WWTR1: variants seen among roughly 807,000 people sequenced by gnomAD.
The protein encoded by WWTR1 is WW domain-containing transcription regulator protein 1.
WWTR1 carries 13 observed loss-of-function variants against 40.1 expected under a neutral mutation model. The observed-to-expected ratio is 0.32, with a 90% CI of 0.21 to 0.52. The LOEUF (loss-of-function observed/expected upper bound fraction) is 0.52, where lower values mean the gene tolerates loss of function less well. WWTR1 is among the 20% of genes least tolerant of loss of function. The pLI, the probability that WWTR1 is intolerant of heterozygous loss-of-function variation, is 0.97. For missense variants in WWTR1, 436 were observed against 523.1 expected, an observed-to-expected ratio of 0.83 and a Z score of 1.63; for synonymous variants, 230 against 210.1, an observed-to-expected ratio of 1.09 and a Z score of -0.82.
At chr3:149,552,612 T>C (rs1736658680) in intron 3 of WWTR1, among the ~76,000 whole-genome samples, 1 of 152,242 alleles carries the variant, frequency 6.6e-6, no homozygotes. Context: ...AGTTGCCTGC[T>C]TAGCCCCATT....
Position 149,523,403 on chromosome 3 carries a change from C to T in WWTR1, c.1019-2414G>A, listed in dbSNP as rs149385278. Among the ~76,000 whole-genome samples, 259 of 152,256 alleles carry T rather than the reference C, an allele frequency of 1.7e-3. 11 individuals carry two copies. The East Asian group carries it at 0.045, about 27-fold the overall frequency. On this transcript the variant is annotated intron_variant, in intron 6 of 6. Coordinates refer to ENST00000360632, the MANE Select transcript of WWTR1 (RefSeq NM_015472.6). ...GGCTGGGATCACAGGCATGTGCCACCACGCCCAGCTAATTTTGTATTCTTA... is the reference window on the plus strand; with the variant it reads ...GGCTGGGATCACAGGCATGTGCCACTACGCCCAGCTAATTTTGTATTCTTA...
intron 2 of WWTR1, among the ~76,000 whole-genome samples, chr3:149,602,619 T>C (rs2108051897): frequency 6.6e-6 from 1 of 152,304 alleles, no homozygotes; most frequent in South Asian, 2.1e-4. Flanking sequence ...ATTTTCATCC[T>C]TGTTTACACT....
At chr3:149,574,849 C>T (rs1737808235) in intron 2 of WWTR1, among the ~76,000 whole-genome samples, 1 of 150,576 alleles carries the variant, frequency 6.6e-6, no homozygotes, top group Non-Finnish European at 1.5e-5. Context: ...AATCCCAGCA[C>T]TTTGGGAGGC....
In WWTR1 at chr3:149,523,187, GTAAT is replaced by G. The variant is rs569055498; in HGVS notation, c.1019-2202_1019-2199del. Among the ~76,000 whole-genome samples the G allele has an allele frequency of 1.0e-3, 156 of 152,056 alleles. 1 individual carries two copies. The highest frequency in any genetic ancestry group is 1.9e-3 in the Non-Finnish European group (128 of 68,002). ...ATAGAAGCAGCTCTGCAATCTCATA[GTAAT>G]CTTTTTGGTCTTTGCAGTTTATCCA... is the stretch of plus-strand genomic sequence containing the variant. On this transcript the variant is annotated intron_variant, in intron 6 of 6. Transcript: ENST00000360632.
chr3:149,644,983 A>G (rs1000111810), intron 2 of WWTR1, among the ~76,000 whole-genome samples: 7 of 152,096 alleles, frequency 4.6e-5, no homozygotes, highest in Non-Finnish European at 1.0e-4. Context: ...CTCCCAGGTA[A>G]CTGGGATTAC....
intron 2 of WWTR1, among the ~76,000 whole-genome samples, chr3:149,650,784 T>TA (rs1712820562): frequency 6.6e-6 from 1 of 152,216 alleles, no homozygotes; most frequent in Admixed American, 6.5e-5. Context: ...AAAGGGCACT[T>TA]ACAGTGAGCA....
chr3:149,713,630 C>T (rs1388008059), intron 5 of WWTR1, among the ~76,000 whole-genome samples: 1 of 152,214 alleles, frequency 6.6e-6, no homozygotes, highest in Non-Finnish European at 1.5e-5. Flanking sequence ...CTCCACCCGC[C>T]TCCACCTCCC....
intron 5 of WWTR1, among the ~76,000 whole-genome samples, chr3:149,708,789 T>C (rs902651973): frequency 6.6e-6 from 1 of 152,198 alleles, no homozygotes; most frequent in Non-Finnish European, 1.5e-5. Context: ...TGCAGATATC[T>C]TTATGAGATC....
At chr3:149,540,079 TACACACAC>T (rs202144589) in intron 4 of WWTR1, 76,084 of 270,874 alleles carry the variant, frequency 0.28, 6,889 homozygotes, top group East Asian at 0.53. Flanking sequence ...TCCTCCTAAC[TACACACAC>T]ACACACACAC....
At chr3:149,521,318 C>G (rs1735036147) in intron 6 of WWTR1, among the ~76,000 whole-genome samples, 1 of 152,184 alleles carries the variant, frequency 6.6e-6, no homozygotes, top group Non-Finnish European at 1.5e-5. Flanking sequence ...CAGCTTATTA[C>G]AGAACTATAA....
chr3:149,560,527 G>T (rs557932691), intron 3 of WWTR1, among the ~76,000 whole-genome samples: 2 of 152,170 alleles, frequency 1.3e-5, no homozygotes, highest in South Asian at 4.2e-4. Flanking sequence ...ATTAATTCAG[G>T]CATTACAGCA....
intron 2 of WWTR1, among the ~76,000 whole-genome samples, chr3:149,611,399 T>C (rs910762657): frequency 1.6e-4 from 24 of 152,192 alleles, no homozygotes; most frequent in African/African-American, 5.5e-4. Context: ...GCTTTCACAT[T>C]ACAATGGCAC....
chr3:149,642,600 C>T (rs1287506658), intron 2 of WWTR1, among the ~76,000 whole-genome samples: 1 of 151,652 alleles, frequency 6.6e-6, no homozygotes, highest in Non-Finnish European at 1.5e-5. Context: ...ATGGTGAAAC[C>T]CCGTCTCTAC....
At chr3:149,613,086 T>C (rs1177193167) in intron 2 of WWTR1, among the ~76,000 whole-genome samples, 4 of 152,196 alleles carry the variant, frequency 2.6e-5, no homozygotes, top group African/African-American at 9.6e-5. Context: ...GAGATGGCTT[T>C]TTATACTTTC....
At chr3:149,607,557 G>A (rs888653003) in intron 2 of WWTR1, among the ~76,000 whole-genome samples, 1 of 152,058 alleles carries the variant, frequency 6.6e-6, no homozygotes, top group Non-Finnish European at 1.5e-5. Flanking sequence ...CTCGTGATCC[G>A]CCCGCCTCGG....
At chr3:149,598,861 C>A (rs1370430179) in intron 2 of WWTR1, among the ~76,000 whole-genome samples, 1 of 152,144 alleles carries the variant, frequency 6.6e-6, no homozygotes, top group East Asian at 1.9e-4. Context: ...ATCAGTACCA[C>A]TGGGTCAAAG....
At chr3:149,659,164 C>A (rs1713447326), upstream of WWTR1, among the ~76,000 whole-genome samples, 1 of 152,020 alleles carries the variant, frequency 6.6e-6, no homozygotes, top group African/African-American at 2.4e-5. Context: ...CGAGGTAAGC[C>A]AAATTCCAGG....
rs1349566543 is a variant in WWTR1, at chr3:149,519,438, T to C, written c.*1367A>G. 1 of 152,246 alleles carries C rather than the reference T, an allele frequency of 6.6e-6. No individual in the cohort carries two copies. The highest frequency in any genetic ancestry group is 1.5e-5 in the Non-Finnish European group (1 of 68,046). The allele number at this position is 152,246 out of a possible 1,614,324, so 9.4% of individuals were successfully genotyped here. A position where few individuals can be genotyped will look rare whatever the true frequency, so the allele number is the denominator to read the frequency against. On this transcript the variant is annotated 3_prime_UTR_variant, in exon 7 of 7. Transcript: ENST00000360632. Reference sequence around the variant, plus strand: ...TTCAGTTTCATAGATAGAATTATTTTAAACACTTGAAATCTAGGAAGCAAA... The same window carrying C: ...TTCAGTTTCATAGATAGAATTATTTCAAACACTTGAAATCTAGGAAGCAAA...
chr3:149,563,183 AAATT>A (rs1385514684), intron 3 of WWTR1, among the ~76,000 whole-genome samples: 5 of 152,296 alleles, frequency 3.3e-5, no homozygotes, highest in African/African-American at 1.2e-4. Flanking sequence ...ACTCCATTAC[AAATT>A]AATTAATTAA....
Sources: allele counts gnomAD v4.1 joint callset (sites outside exome capture counted in the v4.1 genomes callset), GRCh38; gene constraint gnomAD v4.1.1; transcripts MANE v1.5; gene names NCBI Gene and HGNC (gene_info 2026-07-23, HGNC 2026-07-21).